RBFOX1: variants seen among roughly 807,000 people sequenced by gnomAD.
The protein encoded by RBFOX1 is RNA binding fox-1 homolog 1, also known as RNA binding protein fox-1 homolog 1.
In RBFOX1, 8 loss-of-function variants were observed where a neutral mutation model predicts 57.7. The ratio of observed to expected loss-of-function variants is 0.14; its 90% CI spans 0.08 to 0.25. RBFOX1 has a LOEUF of 0.25. Among genes scored for constraint, RBFOX1 ranks in the 10% least tolerant of loss-of-function variants. The pLI, the probability that RBFOX1 is intolerant of heterozygous loss-of-function variation, is 1.00. For missense variants in RBFOX1, 611 were observed against 548.5 expected (o/e 1.11, Z -1.14); for synonymous variants, 326 against 222.4 (o/e 1.47, Z -4.15).
chr16:6,779,630 C>T (rs991360916), intron 3 of RBFOX1, among the ~76,000 whole-genome samples: 1 of 145,280 alleles, frequency 6.9e-6, no homozygotes, highest in African/African-American at 2.5e-5. Context: ...ACGTTCCCAC[C>T]AATAGTATAC....
chr16:5,862,270 T>G (rs189237935), intron 3 of RBFOX1, among the ~76,000 whole-genome samples: 32 of 152,308 alleles, frequency 2.1e-4, no homozygotes, highest in African/African-American at 7.7e-4. Flanking sequence ...AATGCCAGTT[T>G]AAGTTAAGAT....
intron 1 of RBFOX1, among the ~76,000 whole-genome samples, chr16:5,308,840 C>T (rs2064007448): frequency 6.6e-6 from 1 of 151,938 alleles, no homozygotes; most frequent in Non-Finnish European, 1.5e-5. Flanking sequence ...TCGCAGATTC[C>T]CAGTGCTCCA....
intron 4 of RBFOX1, among the ~76,000 whole-genome samples, chr16:5,950,693 C>T (rs1232007646): frequency 6.6e-6 from 1 of 152,216 alleles, no homozygotes; most frequent in African/African-American, 2.4e-5. Context: ...TATGTCTCTT[C>T]CCAGTCCAGC....
In RBFOX1 at chr16:5,608,583, TA is replaced by T. The variant is rs2047669373; in HGVS notation, c.318+9624del. ...AAATTGTTATGAGGATTCAACGAGT[TA>T]ATATAGGTAAAGCCTTAGGAGAGAG... On this transcript the variant is annotated intron_variant, in intron 3 of 19. Transcript: ENST00000641259. Among the ~76,000 whole-genome samples, 4 of 152,246 alleles carry T rather than the reference TA, an allele frequency of 2.6e-5. No individual in the cohort carries two copies. The South Asian group carries it at 8.3e-4, about 31-fold the overall frequency.
intron 13 of RBFOX1, among the ~76,000 whole-genome samples, chr16:7,665,933 C>T (rs775850711): frequency 6.6e-6 from 1 of 152,122 alleles, no homozygotes; most frequent in Non-Finnish European, 1.5e-5. Context: ...GTATGTATCT[C>T]CATCAATAAT....
intron 11 of RBFOX1, among the ~76,000 whole-genome samples, chr16:7,653,429 C>T (rs2065533913): frequency 6.6e-6 from 1 of 152,110 alleles, no homozygotes; most frequent in Admixed American, 6.5e-5. Context: ...TCACTTGAGC[C>T]CTGGAAGTCG....
chr16:6,648,902 G>A (rs2098554573), intron 2 of RBFOX1, among the ~76,000 whole-genome samples: 1 of 152,084 alleles, frequency 6.6e-6, no homozygotes, highest in African/African-American at 2.4e-5. Flanking sequence ...TGTACATTGT[G>A]GAATGGCTAA....
exon 3 of RBFOX1, chr16:5,600,115 C>T (rs1337069460): frequency 6.9e-6 from 1 of 145,246 alleles, no homozygotes; most frequent in Non-Finnish European, 1.5e-5. Context: ...TGGTGAAACC[C>T]TGTCTCTACT....
At chr16:7,636,295 C>T (rs905221066) in intron 11 of RBFOX1, among the ~76,000 whole-genome samples, 2 of 152,208 alleles carry the variant, frequency 1.3e-5, no homozygotes, top group African/African-American at 4.8e-5. Context: ...TGAAAAATAA[C>T]ATCTCAATTT....
intron 4 of RBFOX1, among the ~76,000 whole-genome samples, chr16:7,080,017 T>A (rs571584676): frequency 7.3e-6 from 1 of 136,684 alleles, no homozygotes; most frequent in Non-Finnish European, 1.5e-5. Context: ...TATATACATA[T>A]ATATACGTAT....
At chr16:6,627,282 C>T (rs928368972) in intron 2 of RBFOX1, among the ~76,000 whole-genome samples, 10 of 152,140 alleles carry the variant, frequency 6.6e-5, no homozygotes, top group South Asian at 2.1e-4. Context: ...CTGAAACGTC[C>T]CTACTTAGGT....
chr16:7,695,783 T>C (rs2078628156), intron 14 of RBFOX1, among the ~76,000 whole-genome samples: 1 of 152,090 alleles, frequency 6.6e-6, no homozygotes, highest in African/African-American at 2.4e-5. Flanking sequence ...ATCTACTGGA[T>C]ATCAGAGTTT....
chr16:6,630,541 T>C (rs1051119375), intron 2 of RBFOX1, among the ~76,000 whole-genome samples: 1 of 152,148 alleles, frequency 6.6e-6, no homozygotes, highest in African/African-American at 2.4e-5. Flanking sequence ...GTAAGCACTA[T>C]TCATAAGGCC....
At chr16:5,675,990 A>C (rs76152514) in intron 3 of RBFOX1, among the ~76,000 whole-genome samples, 1 of 152,148 alleles carries the variant, frequency 6.6e-6, no homozygotes, top group Non-Finnish European at 1.5e-5. Flanking sequence ...CATTTAAAAA[A>C]AGAAGGCATC....
intron 2 of RBFOX1, among the ~76,000 whole-genome samples, chr16:6,458,648 G>A (rs1014068877): frequency 2.0e-5 from 3 of 152,174 alleles, no homozygotes; most frequent in Non-Finnish European, 2.9e-5. Context: ...ACCATGTGGC[G>A]ATATATGCAG....
chr16:5,472,463 G>C (rs523524), intron 2 of RBFOX1, among the ~76,000 whole-genome samples: 119,893 of 152,106 alleles, frequency 0.79, 47,341 homozygotes, highest in East Asian at 0.82. Flanking sequence ...TCCCGGCTCA[G>C]CACAGACAGG....
At chr16:5,451,497 G>A (rs2068424862) in intron 1 of RBFOX1, among the ~76,000 whole-genome samples, 1 of 152,226 alleles carries the variant, frequency 6.6e-6, no homozygotes, top group Admixed American at 6.5e-5. Flanking sequence ...GGAGGTTATT[G>A]AGGGCCTACT....
At chr16:6,823,682 C>T (rs185849390) in intron 3 of RBFOX1, among the ~76,000 whole-genome samples, 11 of 152,288 alleles carry the variant, frequency 7.2e-5, no homozygotes, top group South Asian at 4.1e-4. Flanking sequence ...AATCATTCTT[C>T]TTCCCTTTTT....
At chr16:7,564,641 C>G (rs1303035499) in intron 5 of RBFOX1, among the ~76,000 whole-genome samples, 2 of 150,588 alleles carry the variant, frequency 1.3e-5, no homozygotes, top group East Asian at 2.0e-4. Flanking sequence ...TCCTGCACTA[C>G]CAGCCTCCAG....
Sources: allele counts gnomAD v4.1 joint callset (sites outside exome capture counted in the v4.1 genomes callset), GRCh38; gene constraint gnomAD v4.1.1; transcripts MANE v1.5; gene names NCBI Gene and HGNC (gene_info 2026-07-23, HGNC 2026-07-21).